Variants in STON2 observed in about 807,000 individuals in gnomAD.
STON2 encodes the protein stonin 2.
In STON2, 29 loss-of-function variants were observed where a neutral mutation model predicts 65.7. That is an observed-to-expected ratio of 0.44 (90% CI 0.33 to 0.60). The LOEUF is 0.60. STON2 is among the 20% of genes least tolerant of loss of function. STON2 has a pLI of 0.03. For missense variants in STON2, 1,054 were observed against 1,118.1 expected (o/e 0.94, Z 0.82); for synonymous variants, 404 against 414.2 (o/e 0.98, Z 0.30).
chr14:81,308,812 ATATATATATATATG>A (rs1405922596), intron 5 of STON2, among the ~76,000 whole-genome samples: 254 of 9,708 alleles, frequency 0.026, 9 homozygotes, highest in African/African-American at 0.086. Context: ...ATATATATAT[ATATATATATATATG>A]TGTGTGTGTG....
At chr14:81,310,217 TA>T (rs1456152719) in intron 5 of STON2, among the ~76,000 whole-genome samples, 1 of 152,138 alleles carries the variant, frequency 6.6e-6, no homozygotes, top group Non-Finnish European at 1.5e-5. Context: ...AAGACACAAA[TA>T]AAAGACATAG....
At chr14:81,284,988 G>A (rs77871935) in intron 5 of STON2, among the ~76,000 whole-genome samples, 3,123 of 152,178 alleles carry the variant, frequency 0.021, 112 homozygotes, top group African/African-American at 0.071. Context: ...GAGACCTACC[G>A]CTCAGAAAAA....
At chr14:81,390,117 G>A (rs1900007927) in intron 3 of STON2, among the ~76,000 whole-genome samples, 1 of 151,926 alleles carries the variant, frequency 6.6e-6, no homozygotes, top group African/African-American at 2.4e-5. Context: ...GGCTGAAGCA[G>A]GAGAATCACT....
intron 4 of STON2, among the ~76,000 whole-genome samples, chr14:81,360,592 C>T (rs1164247268): frequency 6.6e-6 from 1 of 152,118 alleles, no homozygotes; most frequent in Non-Finnish European, 1.5e-5. Flanking sequence ...AAAACTGAAA[C>T]TCTTTTCCCT....
At chr14:81,306,768 G>C (rs1896200638) in intron 5 of STON2, 1 of 152,092 alleles carries the variant, frequency 6.6e-6, no homozygotes, top group African/African-American at 2.4e-5. Context: ...AAATAAAGAA[G>C]AGGAAATCCA....
At chr14:81,399,316 A>G (rs146159416) in intron 1 of STON2, among the ~76,000 whole-genome samples, 1,738 of 152,276 alleles carry the variant, frequency 0.011, 32 homozygotes, top group South Asian at 0.077. Context: ...CTAGCTCTTG[A>G]TCTAATAATG....
intron 3 of STON2, among the ~76,000 whole-genome samples, chr14:81,376,574 TAAC>T (rs910260568): frequency 2.3e-4 from 35 of 152,236 alleles, no homozygotes; most frequent in African/African-American, 8.2e-4. Flanking sequence ...AATCTTCCAC[TAAC>T]TACTCCAGAG....
At chr14:81,338,919 T>C (rs1433053557) in intron 4 of STON2, among the ~76,000 whole-genome samples, 1 of 152,204 alleles carries the variant, frequency 6.6e-6, no homozygotes, top group Admixed American at 6.5e-5. Flanking sequence ...GCAATTGAGC[T>C]GAACCTGGAC....
At chr14:81,299,527 G>A (rs1261307420) in intron 5 of STON2, among the ~76,000 whole-genome samples, 1 of 152,204 alleles carries the variant, frequency 6.6e-6, no homozygotes, top group Non-Finnish European at 1.5e-5. Flanking sequence ...AAGAGGTTGA[G>A]CCCTGTGGCT....
At chr14:81,378,316 A>C (rs1353373154) in intron 3 of STON2, among the ~76,000 whole-genome samples, 1 of 152,140 alleles carries the variant, frequency 6.6e-6, no homozygotes. Flanking sequence ...CCCAGGTTCA[A>C]GCGATCCACC....
intron 4 of STON2, among the ~76,000 whole-genome samples, chr14:81,354,808 G>T (rs1898159369): frequency 6.6e-6 from 1 of 152,100 alleles, no homozygotes. Context: ...CATGAGGTCA[G>T]GAGTTCAAGA....
At chr14:81,343,314 C>T (rs1363727570) in intron 4 of STON2, among the ~76,000 whole-genome samples, 3 of 152,188 alleles carry the variant, frequency 2.0e-5, no homozygotes, top group African/African-American at 7.2e-5. Flanking sequence ...GGGATACATT[C>T]TGGCTCAAAC....
upstream of STON2, among the ~76,000 whole-genome samples, chr14:81,403,502 G>A (rs1030231711): frequency 6.6e-6 from 1 of 152,128 alleles, no homozygotes; most frequent in Non-Finnish European, 1.5e-5. Context: ...GAATATTGAG[G>A]GAATGCTAAA....
intron 4 of STON2, among the ~76,000 whole-genome samples, chr14:81,346,777 T>C (rs376135581): frequency 6.6e-6 from 1 of 152,112 alleles, no homozygotes; most frequent in Non-Finnish European, 1.5e-5. Flanking sequence ...AGAGAAACAT[T>C]GGAAACAAAG....
intron 4 of STON2, among the ~76,000 whole-genome samples, chr14:81,326,550 A>G (rs1897011050): frequency 6.6e-6 from 1 of 152,202 alleles, no homozygotes; most frequent in Non-Finnish European, 1.5e-5. Flanking sequence ...GAACTCCAAC[A>G]TACTCTACGG....
chr14:81,303,874 T>A (rs1304988766), intron 5 of STON2, among the ~76,000 whole-genome samples: 1 of 152,192 alleles, frequency 6.6e-6, no homozygotes, highest in African/African-American at 2.4e-5. Flanking sequence ...AGTGCACATA[T>A]CGTAGCTCCA....
rs1041101771 is a variant in STON2 at position 81,412,308 on chromosome 14, A to T, written c.-198-13728T>A. The stretch of plus-strand genomic sequence containing the variant: ...GGAAGCTGTCAAAACAGTTGAGAAA[A>T]GAGATGATGGTGGCCTGAAACAACC... On this transcript the variant is annotated intron_variant, in intron 2 of 8. Transcript: ENST00000553821. Among the ~76,000 whole-genome samples, 8 of 140,110 alleles carry T rather than the reference A, an allele frequency of 5.7e-5. 2 individuals carry two copies. The highest frequency in any genetic ancestry group is 2.3e-4 in the African/African-American group (8 of 34,188). The allele number at this position is 140,110 out of a possible 152,430, so 91.9% of individuals were successfully genotyped here.
At chr14:81,325,882 C>A (rs1051587023) in intron 4 of STON2, among the ~76,000 whole-genome samples, 6 of 152,074 alleles carry the variant, frequency 3.9e-5, no homozygotes, top group Non-Finnish European at 7.4e-5. Context: ...GGGACTCACA[C>A]CCCTGTAAAC....
chr14:81,287,239 G>A lies in STON2; in HGVS notation c.743-8500C>T, dbSNP rs548566940. On this transcript the variant is annotated intron_variant, in intron 5 of 7. Coordinates refer to ENST00000614646, the MANE Select transcript of STON2 (RefSeq NM_001394390.1). Reference sequence around the variant, plus strand: ...AAATACTATGATAAAAAGAGGAGCCGGAGGATAAGTCTACGCTGGGACCTA... The same window carrying A: ...AAATACTATGATAAAAAGAGGAGCCAGAGGATAAGTCTACGCTGGGACCTA... 7.2e-5 allele frequency among the ~76,000 whole-genome samples: 11 copies of A among 152,244 alleles called. No individual in the cohort carries two copies. The South Asian group carries it at 1.9e-3, about 26-fold the overall frequency.
Sources: allele counts gnomAD v4.1 joint callset (sites outside exome capture counted in the v4.1 genomes callset), GRCh38; gene constraint gnomAD v4.1.1; transcripts MANE v1.5; gene names NCBI Gene and HGNC (gene_info 2026-07-23, HGNC 2026-07-21).